Variants in PARM1 observed in about 807,000 individuals in gnomAD.
The protein encoded by PARM1 is WSC4, cell wall integrity and stress response component 4 homolog.
PARM1 carries 14 observed loss-of-function variants against 24.6 expected under a neutral mutation model. The ratio of observed to expected loss-of-function variants is 0.57; its 90% CI spans 0.38 to 0.89. The LOEUF (loss-of-function observed/expected upper bound fraction) is 0.89, where lower values mean the gene tolerates loss of function less well. PARM1 is among the 40% of genes least tolerant of loss of function. PARM1 has a pLI of 0.00. For missense variants in PARM1, 362 were observed against 380.4 expected (o/e 0.95, Z 0.40); for synonymous variants, 179 against 156.6 (o/e 1.14, Z -1.07).
chr4:74,942,328 A>G (rs942612170), intron 1 of PARM1, among the ~76,000 whole-genome samples: 5 of 152,352 alleles, frequency 3.3e-5, no homozygotes, highest in Non-Finnish European at 7.4e-5. Flanking sequence ...AACACTGTCC[A>G]AGGCTCTGGA....
At chr4:74,950,678 G>A (rs973536705) in intron 1 of PARM1, among the ~76,000 whole-genome samples, 10 of 152,150 alleles carry the variant, frequency 6.6e-5, no homozygotes, top group Non-Finnish European at 1.3e-4. Context: ...GATAAAATAA[G>A]TTATGAACTT....
chr4:75,038,702 T>G (rs1254640436), intron 3 of PARM1, among the ~76,000 whole-genome samples: 2 of 152,264 alleles, frequency 1.3e-5, no homozygotes, highest in African/African-American at 4.8e-5. Context: ...AGGGCTTGTT[T>G]GCAACTTTAA....
At chr4:75,018,281 GGCAA>G (rs1244119792) in intron 2 of PARM1, among the ~76,000 whole-genome samples, 1 of 152,126 alleles carries the variant, frequency 6.6e-6, no homozygotes, top group African/African-American at 2.4e-5. Flanking sequence ...ACGACTTCAG[GGCAA>G]GCATTAGAGA....
At chr4:75,015,183 A>G (rs1266104552) in intron 2 of PARM1, among the ~76,000 whole-genome samples, 1 of 152,186 alleles carries the variant, frequency 6.6e-6, no homozygotes, top group Non-Finnish European at 1.5e-5. Flanking sequence ...AAACTGACAC[A>G]TCTACTCCTT....
intron 1 of PARM1, among the ~76,000 whole-genome samples, chr4:74,955,630 G>A (rs768239683): frequency 6.6e-6 from 1 of 152,096 alleles, no homozygotes; most frequent in Admixed American, 6.5e-5. Flanking sequence ...GCCTCCTCAG[G>A]ATATCTAGTA....
chr4:74,997,512 T>A (rs953286491), intron 1 of PARM1, among the ~76,000 whole-genome samples: 6 of 152,318 alleles, frequency 3.9e-5, no homozygotes, highest in African/African-American at 1.4e-4. Flanking sequence ...GCTCTGCCTC[T>A]TGTGAGCTGC....
At chr4:74,951,577 T>C (rs1157861854) in intron 1 of PARM1, among the ~76,000 whole-genome samples, 1 of 152,198 alleles carries the variant, frequency 6.6e-6, no homozygotes, top group African/African-American at 2.4e-5. Context: ...CTCCTAATGC[T>C]GTCCCTCCCC....
chr4:75,030,516 T>G (rs1421858791), intron 2 of PARM1, among the ~76,000 whole-genome samples: 1 of 152,174 alleles, frequency 6.6e-6, no homozygotes, highest in Non-Finnish European at 1.5e-5. Flanking sequence ...AATTCCAGAC[T>G]TCAGGGAGGC....
chr4:74,968,677 G>A (rs1252337524), intron 1 of PARM1, among the ~76,000 whole-genome samples: 2 of 152,142 alleles, frequency 1.3e-5, no homozygotes, highest in South Asian at 2.1e-4. Flanking sequence ...GCCAATGATC[G>A]TTCTATTCAT....
chr4:75,006,345 A>G (rs1467841903), intron 1 of PARM1, among the ~76,000 whole-genome samples: 1 of 128,588 alleles, frequency 7.8e-6, no homozygotes, highest in East Asian at 2.4e-4. Flanking sequence ...TCCCTTGTCC[A>G]AGTGTTCTGA....
intron 1 of PARM1, among the ~76,000 whole-genome samples, chr4:74,975,506 C>T (rs114823032): frequency 6.6e-6 from 1 of 152,234 alleles, no homozygotes; most frequent in Non-Finnish European, 1.5e-5. Context: ...TGGCATTTGC[C>T]AGAAATTTTA....
chr4:75,034,015 G>C, intron 3 of PARM1, 54 bp downstream of exon 3: 1 of 1,384,670 alleles, frequency 7.2e-7, no homozygotes, highest in Non-Finnish European at 1.0e-6. Context: ...TGGGCTCTGG[G>C]CTGAGCGCTG....
chr4:75,032,980 A>G (rs1723300855), intron 2 of PARM1, among the ~76,000 whole-genome samples: 1 of 152,218 alleles, frequency 6.6e-6, no homozygotes, highest in South Asian at 2.1e-4. Flanking sequence ...ACTAAAGTAT[A>G]TTCATTATTA....
At chr4:75,017,299 A>G (rs1305010689) in intron 2 of PARM1, among the ~76,000 whole-genome samples, 4 of 152,190 alleles carry the variant, frequency 2.6e-5, no homozygotes, top group African/African-American at 4.8e-5. Flanking sequence ...AGTCTCTACC[A>G]TGCCTACAAA....
intron 1 of PARM1, among the ~76,000 whole-genome samples, chr4:74,976,743 G>A (rs1293224077): frequency 6.6e-6 from 1 of 152,216 alleles, no homozygotes; most frequent in African/African-American, 2.4e-5. Context: ...CCAAGAGGAA[G>A]GAGCAACCAG....
chr4:74,973,884 G>A (rs550079866), intron 1 of PARM1, among the ~76,000 whole-genome samples: 62 of 151,856 alleles, frequency 4.1e-4, no homozygotes, highest in African/African-American at 1.3e-3. Context: ...GTGTGTGGGT[G>A]TAGAGAGAGA....
chr4:74,993,723 G>T (rs1368071476), intron 1 of PARM1, among the ~76,000 whole-genome samples: 1 of 152,114 alleles, frequency 6.6e-6, no homozygotes, highest in African/African-American at 2.4e-5. Flanking sequence ...AATTTTTGAT[G>T]ACAGAAAGCA....
intron 1 of PARM1, among the ~76,000 whole-genome samples, chr4:74,974,861 C>G (rs1022775768): frequency 6.6e-6 from 1 of 152,148 alleles, no homozygotes; most frequent in African/African-American, 2.4e-5. Flanking sequence ...CTCTCTGTCT[C>G]TCTCCATCTC....
Position 74,992,077 on chromosome 4 carries a change from T to C in PARM1, c.44-20348T>C, listed in dbSNP as rs991960770. Among the ~76,000 whole-genome samples, 7 of 152,096 alleles carry C rather than the reference T, an allele frequency of 4.6e-5. No individual in the cohort carries two copies. The South Asian group carries it at 1.2e-3, about 27-fold the overall frequency. On this transcript the variant is annotated intron_variant, in intron 1 of 3. Transcript: ENST00000307428. ...ATGAACAGCCAAATAAAGAGATGAA[T>C]AGGGCAAGGTGTGTAGGAAGGGATG...
Sources: gnomAD v4.1 joint callset for allele counts (sites outside exome capture counted in the v4.1 genomes callset) on GRCh38, gnomAD v4.1.1 for gene constraint, MANE v1.5 for transcripts, NCBI Gene and HGNC (gene_info 2026-07-23, HGNC 2026-07-21) for gene names.